LRCH1: variants seen among roughly 807,000 people sequenced by gnomAD.
LRCH1 encodes leucine rich repeats and calponin homology domain containing 1.
Under a neutral mutation model 94.9 loss-of-function variants are expected in LRCH1, and 23 were observed. The observed-to-expected ratio is 0.24, with a 90% confidence interval of 0.17 to 0.34. The LOEUF (loss-of-function observed/expected upper bound fraction) is 0.34, where lower values mean the gene tolerates loss of function less well. Among genes scored for constraint, LRCH1 ranks in the 10% least tolerant of loss-of-function variants. The pLI is 1.00. For missense variants in LRCH1, 790 were observed against 945.9 expected (o/e 0.84, Z 2.16); for synonymous variants, 364 against 354.9 (o/e 1.03, Z -0.29).
rs1185787288 is a variant in LRCH1 at position 46,743,234 on chromosome 13, C to T, written c.*1386C>T. The T allele has an allele frequency of 1.5e-5, 15 of 985,604 alleles. No homozygotes were observed. The highest frequency in any genetic ancestry group is 1.8e-5 in the Non-Finnish European group (15 of 829,828). The allele number at this position is 985,604 out of a possible 1,614,324, so 61.1% of individuals were successfully genotyped here. ...ACGAAGAAAATCTTATTTTTCTGAA[C>T]ATTTTCATGAATCCAGGGGACTTGA... On this transcript the variant is annotated 3_prime_UTR_variant, in exon 20 of 20. Coordinates refer to ENST00000389797, the MANE Select transcript of LRCH1 (RefSeq NM_001164211.2).
chr13:46,691,846 C>G (rs538493605), intron 7 of LRCH1, among the ~76,000 whole-genome samples: 36 of 152,254 alleles, frequency 2.4e-4, no homozygotes, highest in African/African-American at 7.5e-4. Flanking sequence ...TGTGCCACCA[C>G]GCCCAGCTAA....
chr13:46,566,867 T>C (rs2050190183), intron 1 of LRCH1, among the ~76,000 whole-genome samples: 1 of 152,194 alleles, frequency 6.6e-6, no homozygotes. Flanking sequence ...ACCCCAGATA[T>C]ATGCATGGGG....
chr13:46,599,722 A>G (rs1278178086), intron 1 of LRCH1, among the ~76,000 whole-genome samples: 1 of 152,214 alleles, frequency 6.6e-6, no homozygotes, highest in African/African-American at 2.4e-5. Context: ...TCAATTATGT[A>G]GGTAGAAACA....
rs918832955 is a variant in LRCH1 at position 46,685,917 on chromosome 13, T to C, written c.698T>C (p.Leu233Pro). ...TCTATTATTTTAGAACTAGTAGATC[T>C]TTCCTTGGTAAAGTTTGACTTTTCC... ...LKVLPQELVD[L>P]SLVKFDFSCN... is the part of the protein sequence containing the mutation. The change falls in exon 5 of 20, where the codon CTT becomes CCT. Residue 233 changes from leucine to proline, a missense_variant. This residue lies in a region of LRCH1 where 194 missense variants were observed against 293.5 expected (regional missense o/e 0.66). Transcript: ENST00000389797. 2 of 1,594,944 alleles carry C rather than the reference T, an allele frequency of 1.3e-6. No individual in the cohort carries two copies. The highest frequency in any genetic ancestry group is 2.7e-5 in the African/African-American group (2 of 74,024).
At chr13:46,674,865 A>G (rs1026496408) in intron 3 of LRCH1, among the ~76,000 whole-genome samples, 1 of 152,222 alleles carries the variant, frequency 6.6e-6, no homozygotes, top group Non-Finnish European at 1.5e-5. Context: ...CAGCGTCCTC[A>G]CCACAATACA....
At chr13:46,621,254 C>T (rs1221031018) in intron 1 of LRCH1, among the ~76,000 whole-genome samples, 1 of 152,198 alleles carries the variant, frequency 6.6e-6, no homozygotes, top group Non-Finnish European at 1.5e-5. Context: ...GGATTTTCTG[C>T]ATCTGTTCAT....
intron 3 of LRCH1, among the ~76,000 whole-genome samples, chr13:46,672,635 C>T (rs2051616070): frequency 6.6e-6 from 1 of 152,210 alleles, no homozygotes; most frequent in African/African-American, 2.4e-5. Flanking sequence ...TCAGGACACA[C>T]TGGCTGTCGG....
intron 1 of LRCH1, among the ~76,000 whole-genome samples, chr13:46,637,602 C>T (rs1286960961): frequency 2.6e-5 from 4 of 152,186 alleles, no homozygotes; most frequent in South Asian, 2.1e-4. Flanking sequence ...TTAAGGATCC[C>T]GTGCCTTCCT....
At chr13:46,666,732 A>G (rs7321781) in intron 2 of LRCH1, among the ~76,000 whole-genome samples, 9,880 of 152,324 alleles carry the variant, frequency 0.065, 412 homozygotes, top group East Asian at 0.21. Flanking sequence ...GTTACATTTC[A>G]AATTATTTGC....
intron 1 of LRCH1, among the ~76,000 whole-genome samples, chr13:46,636,368 G>A (rs1480973830): frequency 6.6e-6 from 1 of 152,070 alleles, no homozygotes; most frequent in Non-Finnish European, 1.5e-5. Context: ...CACTGCGCCT[G>A]GCCCATCTCA....
intron 8 of LRCH1, 52 bp downstream of exon 8, chr13:46,692,693 A>G: frequency 5.9e-6 from 8 of 1,366,560 alleles, no homozygotes; most frequent in Non-Finnish European, 8.3e-6. Context: ...TTCAAATGTT[A>G]TGTTTAAAAT....
chr13:46,624,395 A>T (rs1303807268), intron 1 of LRCH1, among the ~76,000 whole-genome samples: 1 of 152,198 alleles, frequency 6.6e-6, no homozygotes, highest in East Asian at 1.9e-4. Context: ...CACTTAACTT[A>T]GTTTCAGAAT....
At chr13:46,671,399 C>T (rs2051599503) in intron 3 of LRCH1, among the ~76,000 whole-genome samples, 1 of 152,204 alleles carries the variant, frequency 6.6e-6, no homozygotes, top group Non-Finnish European at 1.5e-5. Context: ...ATCCCAGGTG[C>T]CTGGCACCTG....
At chr13:46,623,618 T>C (rs2050906368) in intron 1 of LRCH1, among the ~76,000 whole-genome samples, 2 of 151,860 alleles carry the variant, frequency 1.3e-5, no homozygotes, top group South Asian at 2.1e-4. Flanking sequence ...ATTGTGCCAA[T>C]CTGATCATTT....
intron 1 of LRCH1, among the ~76,000 whole-genome samples, chr13:46,611,384 G>A (rs2050745682): frequency 6.6e-6 from 1 of 152,294 alleles, no homozygotes; most frequent in Admixed American, 6.5e-5. Flanking sequence ...GCAGGGTGGT[G>A]TTCAAGCACC....
In LRCH1 at chr13:46,689,304, T is replaced by C. The variant is rs866948581; in HGVS notation, c.1014+108T>C. 9.3e-6 allele frequency: 7 copies of C among 754,858 alleles called. 1 individual carries two copies. In the Middle Eastern group the frequency reaches 1.7e-3, roughly 178 times the overall value. The allele number at this position is 754,858 out of a possible 1,614,324, so 46.8% of individuals were successfully genotyped here. The stretch of plus-strand genomic sequence containing the variant: ...GCATCGATTCATTTGTATATTCATG[T>C]GATATTCGTAAAAGTGATTTGTATA... On this transcript the variant is annotated intron_variant, in intron 7 of 19. Transcript: ENST00000389797.
chr13:46,740,507 A>G (rs1396193740), intron 19 of LRCH1, among the ~76,000 whole-genome samples: 2 of 152,254 alleles, frequency 1.3e-5, no homozygotes, highest in Non-Finnish European at 2.9e-5. Context: ...CAGTCACTCC[A>G]TGATGTGCAG....
intron 8 of LRCH1, 82 bp from the exon 9 acceptor site, chr13:46,694,811 T>C (rs1047468981): frequency 4.8e-6 from 7 of 1,463,226 alleles, no homozygotes; most frequent in African/African-American, 1.4e-5. Context: ...TTGAAGTGAT[T>C]AGATCATATT....
Position 46,553,488 on chromosome 13 carries a change from A to G in LRCH1, c.92A>G (p.His31Arg), listed in dbSNP as rs1232093472. Residue 31 changes from histidine (H) to arginine (R), a missense_variant, in exon 1 of 20, where the codon CAC becomes CGC. Transcript: ENST00000389797. Reference protein sequence around the residue: ...HPLHHPHHHHHHHQHHGGTGA... With the variant: ...HPLHHPHHHHRHHQHHGGTGA... ...CTTCATCATCCCCACCACCACCACCACCACCATCAGCACCACGGAGGAACC... is the reference window on the plus strand; with the variant it reads ...CTTCATCATCCCCACCACCACCACCGCCACCATCAGCACCACGGAGGAACC... 1.3e-6 allele frequency: 2 copies of G among 1,547,928 alleles called. No individual in the cohort carries two copies. The highest frequency in any genetic ancestry group is 1.7e-6 in the Non-Finnish European group (2 of 1,145,662).
Sources: gnomAD v4.1 joint callset for allele counts (sites outside exome capture counted in the v4.1 genomes callset) on GRCh38, gnomAD v4.1.1 for gene constraint, gnomAD v4.1.1 regional missense constraint, MANE v1.5 for transcripts, NCBI Gene and HGNC (gene_info 2026-07-23, HGNC 2026-07-21) for gene names.